Variants in FERMT2 observed in about 807,000 individuals in gnomAD.
FERMT2 encodes FERM domain containing kindlin 2.
FERMT2 carries 15 observed loss-of-function variants against 82.7 expected under a neutral mutation model. That is an observed-to-expected ratio of 0.18 (90% CI 0.12 to 0.28). The LOEUF (loss-of-function observed/expected upper bound fraction) is 0.28, where lower values mean the gene tolerates loss of function less well. FERMT2 is among the 10% of genes least tolerant of loss of function. FERMT2 has a pLI of 1.00. For synonymous variants in FERMT2, 274 were observed against 271.5 expected, an observed-to-expected ratio of 1.01 and a Z score of -0.09; for missense variants, 645 against 809.4, an observed-to-expected ratio of 0.80 and a Z score of 2.46.
chr14:52,893,807 T>C (rs1036855983), intron 3 of FERMT2, among the ~76,000 whole-genome samples: 66 of 150,434 alleles, frequency 4.4e-4, no homozygotes, highest in African/African-American at 1.5e-3. Context: ...ATGATACTTT[T>C]AAATCATTAC....
At chr14:52,923,415 G>GA (rs1889075064) in intron 2 of FERMT2, among the ~76,000 whole-genome samples, 1 of 151,986 alleles carries the variant, frequency 6.6e-6, no homozygotes, top group Non-Finnish European at 1.5e-5. Flanking sequence ...TAAGAAAAAA[G>GA]AAAGAAAAGA....
rs560845434 is a variant in FERMT2, at chr14:52,861,086, G to C, written c.1603-621C>G. ...AAAGGAAGCAGAAAGAAAAAAAAAGGCAATCAGAAAAAATGGCAACGAAGC... is the reference window on the plus strand; with the variant it reads ...AAAGGAAGCAGAAAGAAAAAAAAAGCCAATCAGAAAAAATGGCAACGAAGC... On this transcript the variant is annotated intron_variant, in intron 12 of 14. Coordinates refer to ENST00000341590, the MANE Select transcript of FERMT2 (RefSeq NM_006832.3). 7 of 1,460,864 alleles carry C rather than the reference G, an allele frequency of 4.8e-6. No individual in the cohort carries two copies. In the African/African-American group the frequency reaches 8.8e-5, roughly 18 times the overall value. 90.5% of individuals were successfully genotyped at this position (1,460,864 alleles called of 1,614,324 possible). A position where few individuals can be genotyped will look rare whatever the true frequency, so the allele number is the denominator to read the frequency against.
At chr14:52,941,707 A>G (rs940868415) in intron 2 of FERMT2, among the ~76,000 whole-genome samples, 2 of 152,256 alleles carry the variant, frequency 1.3e-5, no homozygotes, top group African/African-American at 4.8e-5. Flanking sequence ...AATACTGCAT[A>G]CATTAGCTTT....
chr14:52,884,653 T>C (rs1886483797), intron 4 of FERMT2, among the ~76,000 whole-genome samples: 1 of 151,854 alleles, frequency 6.6e-6, no homozygotes, highest in Non-Finnish European at 1.5e-5. Context: ...GGCTACACAC[T>C]GCCTCCATGT....
chr14:52,860,166 T>C lies in FERMT2; in HGVS notation c.1727+175A>G. 3.1e-5 allele frequency: 18 copies of C among 571,542 alleles called. 2 individuals carry two copies. In the South Asian group the frequency reaches 4.6e-4, roughly 15 times the overall value. The allele number at this position is 571,542 out of a possible 1,614,324, so 35.4% of individuals were successfully genotyped here. Reference sequence around the variant, plus strand: ...AAACAAACACAATTATCTTGAATTTTTAATGTAGAAATTAAAAGCTTACAA... The same window carrying C: ...AAACAAACACAATTATCTTGAATTTCTAATGTAGAAATTAAAAGCTTACAA... On this transcript the variant is annotated intron_variant, in intron 13 of 14. Transcript: ENST00000341590.
intron 4 of FERMT2, among the ~76,000 whole-genome samples, chr14:52,883,913 T>C (rs1381692831): frequency 4.6e-5 from 7 of 152,154 alleles, no homozygotes; most frequent in Non-Finnish European, 1.5e-5. Context: ...TCCGCTGTAA[T>C]TGTAAGTTTC....
chr14:52,899,346 A>AGTGTG (rs1887484620), intron 3 of FERMT2, among the ~76,000 whole-genome samples: 1 of 152,052 alleles, frequency 6.6e-6, no homozygotes, highest in African/African-American at 2.4e-5. Context: ...GCAGTGCCAC[A>AGTGTG]ATCTCAGCTC....
At chr14:52,894,244 CAAAAG>C (rs1887125393) in intron 3 of FERMT2, among the ~76,000 whole-genome samples, 1 of 152,018 alleles carries the variant, frequency 6.6e-6, no homozygotes, top group Admixed American at 6.6e-5. Context: ...ATGAAAATAA[CAAAAG>C]AAATTAAAAA....
intron 10 of FERMT2, among the ~76,000 whole-genome samples, chr14:52,867,463 T>A (rs989922079): frequency 6.6e-6 from 1 of 152,168 alleles, no homozygotes. Context: ...GCCATAGTCT[T>A]CCTATGCATT....
chr14:52,911,435 A>G (rs926301188), intron 3 of FERMT2, among the ~76,000 whole-genome samples: 5 of 152,010 alleles, frequency 3.3e-5, no homozygotes, highest in African/African-American at 1.2e-4. Context: ...GCGGATCACA[A>G]GGTCAGGAGA....
intron 2 of FERMT2, among the ~76,000 whole-genome samples, chr14:52,947,662 A>C (rs1314838604): frequency 6.6e-6 from 1 of 152,216 alleles, no homozygotes; most frequent in Non-Finnish European, 1.5e-5. Flanking sequence ...ATTTACACTT[A>C]TGTCGTGCTT....
chr14:52,900,703 T>G (rs572582615), intron 3 of FERMT2, among the ~76,000 whole-genome samples: 21 of 152,232 alleles, frequency 1.4e-4, no homozygotes, highest in Non-Finnish European at 2.9e-4. Context: ...ATCATCAAAC[T>G]GAGGCACAGA....
intron 8 of FERMT2, among the ~76,000 whole-genome samples, chr14:52,874,911 C>T (rs781270570): frequency 6.6e-6 from 1 of 152,026 alleles, no homozygotes; most frequent in Non-Finnish European, 1.5e-5. Flanking sequence ...AAAAATTAGC[C>T]AGGTGTGGTG....
At chr14:52,932,936 C>G (rs1395654888) in intron 2 of FERMT2, among the ~76,000 whole-genome samples, 2 of 151,918 alleles carry the variant, frequency 1.3e-5, no homozygotes, top group African/African-American at 4.8e-5. Context: ...AAAAGAATAC[C>G]CAACATATAC....
intron 3 of FERMT2, among the ~76,000 whole-genome samples, chr14:52,908,423 A>G (rs1236748255): frequency 6.6e-6 from 1 of 152,182 alleles, no homozygotes; most frequent in Admixed American, 6.5e-5. Flanking sequence ...CAGCCCTTCG[A>G]CTGGTGAATG....
chr14:52,877,155 G>A (rs1471014606), intron 7 of FERMT2, among the ~76,000 whole-genome samples: 2 of 152,046 alleles, frequency 1.3e-5, no homozygotes, highest in African/African-American at 4.8e-5. Flanking sequence ...GCATATAATA[G>A]GCATCTGTTG....
chr14:52,889,672 G>GTA (rs997195431), intron 4 of FERMT2, among the ~76,000 whole-genome samples: 3 of 151,936 alleles, frequency 2.0e-5, no homozygotes, highest in African/African-American at 7.3e-5. Context: ...GGCCTGGATG[G>GTA]TATAGCCTTC....
At chr14:52,925,525 C>G (rs1889209486) in intron 2 of FERMT2, among the ~76,000 whole-genome samples, 1 of 147,392 alleles carries the variant, frequency 6.8e-6, no homozygotes, top group Non-Finnish European at 1.5e-5. Context: ...TGCCATTGCA[C>G]TCCAGCCTGG....
At chr14:52,917,767 A>G (rs948161061) in intron 3 of FERMT2, among the ~76,000 whole-genome samples, 42 of 152,324 alleles carry the variant, frequency 2.8e-4, no homozygotes, top group African/African-American at 1.0e-3. Flanking sequence ...GGTTTAAGGG[A>G]AGCCACAGCC....
Sources: allele counts gnomAD v4.1 joint callset (sites outside exome capture counted in the v4.1 genomes callset), GRCh38; gene constraint gnomAD v4.1.1; transcripts MANE v1.5; gene names NCBI Gene and HGNC (gene_info 2026-07-23, HGNC 2026-07-21).